Variants in HOXA3 observed in about 807,000 individuals in gnomAD.
The protein encoded by HOXA3 is homeobox A3, also known as homeobox protein Hox-A3.
HOXA3 carries 8 observed loss-of-function variants against 30.3 expected under a neutral mutation model. The observed-to-expected ratio is 0.26, with a 90% CI of 0.15 to 0.48. HOXA3 has a LOEUF of 0.48. HOXA3 is among the 20% of genes least tolerant of loss of function. The pLI is 0.99. For missense variants in HOXA3, 653 were observed against 614.4 expected (o/e 1.06, Z -0.66); for synonymous variants, 323 against 273.1 (o/e 1.18, Z -1.80).
intron 2 of HOXA3, among the ~76,000 whole-genome samples, chr7:27,136,944 C>A (rs1583401489): frequency 6.6e-6 from 1 of 152,078 alleles, no homozygotes; most frequent in African/African-American, 2.4e-5. Context: ...TATAGTTTTG[C>A]CATTGACTAG....
In HOXA3 at chr7:27,114,744, T is replaced by TACACACACACACACACACACACACACAC. The variant is rs70994629; in HGVS notation, c.-120-3985_-120-3984insGTGTGTGTGTGTGTGTGTGTGTGTGTGT. ...CTGACCCCAAGAGAAACCGACATCA[T>TACACACACACACACACACACACACACAC]ACACACACACACACACACACACACG... is the stretch of plus-strand genomic sequence containing the variant. On this transcript the variant is annotated intron_variant, in intron 4 of 5. Coordinates refer to ENST00000612286, the MANE Select transcript of HOXA3 (RefSeq NM_153631.3). Among the ~76,000 whole-genome samples the TACACACACACACACACACACACACACAC allele has an allele frequency of 5.4e-5, 5 of 93,444 alleles. 1 individual carries two copies. Among genetic ancestry groups the TACACACACACACACACACACACACACAC allele is most frequent in the Non-Finnish European group, 1.1e-4 (5 of 46,700 alleles). The allele number at this position is 93,444 out of a possible 152,430, so 61.3% of individuals were successfully genotyped here.
Position 27,140,119 on chromosome 7 carries a change from A to T in HOXA3, c.-426T>A, listed in dbSNP as rs1002165179. 2 of 152,140 alleles carry T rather than the reference A, an allele frequency of 1.3e-5. No homozygotes were observed. The highest frequency in any genetic ancestry group is 3.9e-4 in the East Asian group (2 of 5,188). 9.4% of individuals were successfully genotyped at this position (152,140 alleles called of 1,614,324 possible). A position where few individuals can be genotyped will look rare whatever the true frequency, so the allele number is the denominator to read the frequency against. On this transcript the variant is annotated 5_prime_UTR_variant, in exon 2 of 6. Coordinates refer to ENST00000612286, the MANE Select transcript of HOXA3 (RefSeq NM_153631.3). ...GGGAGCCATTTTTCAGAGAGTTTTG[A>T]GAACTTGTGGTTTGGACACTTCTGG...
At chr7:27,147,603 G>A (rs771463001) in intron 1 of HOXA3, 1 of 1,614,234 alleles carries the variant, frequency 6.2e-7, no homozygotes, top group Non-Finnish European at 8.5e-7. Context: ...TGTACGTCTT[G>A]TCCGGGAGAC....
intron 1 of HOXA3, among the ~76,000 whole-genome samples, chr7:27,151,946 G>A (rs931941745): frequency 6.6e-6 from 1 of 152,156 alleles, no homozygotes; most frequent in African/African-American, 2.4e-5. Flanking sequence ...TGGGCTTCAC[G>A]GGGTCGCTAG....
At chr7:27,137,456 G>T (rs28357148) in intron 2 of HOXA3, among the ~76,000 whole-genome samples, 1 of 152,306 alleles carries the variant, frequency 6.6e-6, no homozygotes, top group East Asian at 1.9e-4. Flanking sequence ...CACCGGCTGA[G>T]GCTGGATGTC....
At chr7:27,148,362 G>A (rs1465951027) in intron 1 of HOXA3, among the ~76,000 whole-genome samples, 2 of 152,240 alleles carry the variant, frequency 1.3e-5, no homozygotes, top group African/African-American at 4.8e-5. Flanking sequence ...GAGAAACCAG[G>A]CCTTCACTCT....
chr7:27,143,929 G>A (rs1400624875), intron 1 of HOXA3, among the ~76,000 whole-genome samples: 1 of 152,224 alleles, frequency 6.6e-6, no homozygotes, highest in Non-Finnish European at 1.5e-5. Flanking sequence ...ACCCGCTGGA[G>A]GCAGGGCTCA....
intron 4 of HOXA3, among the ~76,000 whole-genome samples, chr7:27,118,412 A>G (rs892872702): frequency 1.3e-5 from 2 of 152,258 alleles, no homozygotes; most frequent in Admixed American, 1.3e-4. Flanking sequence ...TCACGTGGTC[A>G]TACGTCAACT....
intron 4 of HOXA3, among the ~76,000 whole-genome samples, chr7:27,117,129 G>C (rs1352706209): frequency 1.3e-5 from 2 of 152,158 alleles, no homozygotes; most frequent in Non-Finnish European, 2.9e-5. Context: ...CAATTAGCTG[G>C]GGCTTTCCCA....
At position 27,110,532 on chromosome 7, in the gene HOXA3, C is replaced by T; in HGVS notation, c.109G>A (p.Ala37Thr). ...TACTCGCCGTCGGCGCCCAAAGCGG[C>T]GGACGCCGGGTACGGCTGCTGATTG... ...NANQQPYPASAALGADGEYHR... is the reference protein window; with the variant it reads ...NANQQPYPASTALGADGEYHR... Residue 37 changes from alanine (A) to threonine (T), a missense_variant, in exon 5 of 6, where the codon GCC (alanine) becomes ACC (threonine). Transcript: ENST00000612286. The T allele has an allele frequency of 6.2e-7, 1 of 1,607,088 alleles. No homozygotes were observed. Among genetic ancestry groups the T allele is most frequent in the Non-Finnish European group, 8.5e-7 (1 of 1,175,188 alleles).
In HOXA3 at chr7:27,152,306, A is replaced by G. The variant is rs759945479; in HGVS notation, c.-512T>C. On this transcript the variant is annotated 5_prime_UTR_variant, in exon 1 of 6. Coordinates refer to ENST00000612286, the MANE Select transcript of HOXA3 (RefSeq NM_153631.3). ...GTCTCACCTTCAGACGGTGGCTCCC[A>G]GAAGCTCCTGCCCCTCTGACAGCTG... 1.2e-4 allele frequency: 156 copies of G among 1,277,840 alleles called. No individual in the cohort carries two copies. Among genetic ancestry groups the G allele is most frequent in the Non-Finnish European group, 1.5e-4 (148 of 983,006 alleles). 79.2% of individuals were successfully genotyped at this position (1,277,840 alleles called of 1,614,324 possible).
chr7:27,118,147 C>T (rs1246237222), intron 4 of HOXA3, among the ~76,000 whole-genome samples: 2 of 152,194 alleles, frequency 1.3e-5, no homozygotes, highest in Non-Finnish European at 2.9e-5. Flanking sequence ...GCGGAAATAC[C>T]TTAAAATAAA....
Position 27,108,125 on chromosome 7 carries a change from G to T in HOXA3, c.1122C>A (p.Pro374=). ...PVFVGGSYVE[P]MSNSGPALFG... is the part of the protein sequence containing the mutation. ...AGAGGGCTGGCCCGGAGTTGCTCAT[G>T]GGCTCCACATAGCTGCCCCCCACGA... is the stretch of plus-strand genomic sequence containing the variant. Residue 374 remains proline (P), a synonymous_variant, in exon 6 of 6, where the codon CCC becomes CCA. Coordinates refer to ENST00000612286, the MANE Select transcript of HOXA3 (RefSeq NM_153631.3). This position sits in a 1 kb window ranked among gnomAD's most constrained non-coding sequence, Gnocchi z 5.0. 1 of 1,606,132 alleles carries T rather than the reference G, an allele frequency of 6.2e-7. No homozygotes were observed. Among genetic ancestry groups the T allele is most frequent in the South Asian group, 1.1e-5 (1 of 90,694 alleles).
At chr7:27,118,109 C>T (rs541366913) in intron 4 of HOXA3, among the ~76,000 whole-genome samples, 2 of 152,232 alleles carry the variant, frequency 1.3e-5, no homozygotes, top group Non-Finnish European at 2.9e-5. Flanking sequence ...CTCTCACAGC[C>T]ATAACTCACT....
intron 3 of HOXA3, chr7:27,123,904 GCTTT>G (rs1281368145): frequency 1.3e-5 from 2 of 152,216 alleles, no homozygotes; most frequent in Middle Eastern, 3.2e-3. Context: ...GTTCAAACTT[GCTTT>G]CTGTGTCCCC....
Position 27,143,398 on chromosome 7 carries a change from G to A in HOXA3, c.-493-3212C>T. On this transcript the variant is annotated intron_variant, in intron 1 of 5. Transcript: ENST00000612286. ...CGCTGGCGCTGGCAGCGTAGCTGCG[G>A]GCGCGCTCTCCGGAGCCAAAGTGGC... is the stretch of plus-strand genomic sequence containing the variant. 7 of 1,607,728 alleles carry A rather than the reference G, an allele frequency of 4.4e-6. No homozygotes were observed. The African/African-American group carries it at 6.7e-5, about 15-fold the overall frequency.
At chr7:27,130,194 G>T (rs1785466146) in intron 2 of HOXA3, 1 of 1,575,844 alleles carries the variant, frequency 6.3e-7, no homozygotes, top group Non-Finnish European at 8.6e-7. Context: ...GGCTCTTGTC[G>T]GCCAAGAGCA....
Position 27,131,793 on chromosome 7 carries a change from C to T in HOXA3, c.-389-4723G>A, listed in dbSNP as rs114694893. ...TTGCCGGGTCTGATCGCTGATGGGT[C>T]TTTTCCAGCTAAGAATTTCATGTTT... On this transcript the variant is annotated intron_variant, in intron 2 of 5. Transcript: ENST00000612286. Among the ~76,000 whole-genome samples the T allele has an allele frequency of 4.2e-3, 639 of 152,258 alleles. 6 individuals carry two copies. The highest frequency in any genetic ancestry group is 0.015 in the African/African-American group (620 of 41,554).
At chr7:27,152,077 G>GGT (rs368928402) in intron 1 of HOXA3, among the ~76,000 whole-genome samples, 14,393 of 151,550 alleles carry the variant, frequency 0.095, 812 homozygotes, top group African/African-American at 0.15. Context: ...GAAAGGGAGT[G>GGT]GTGTGTGTGT....
Sources: allele counts gnomAD v4.1 joint callset (sites outside exome capture counted in the v4.1 genomes callset), GRCh38; gene constraint gnomAD v4.1.1; non-coding constraint Gnocchi (gnomAD v3.1); transcripts MANE v1.5; gene names NCBI Gene and HGNC (gene_info 2026-07-23, HGNC 2026-07-21).